Variants in FLCN observed in about 807,000 individuals in gnomAD.
The protein encoded by FLCN is BHD skin lesion fibrofolliculoma protein.
A neutral mutation model predicts 62.5 loss-of-function variants in FLCN; 22 were observed. That is an observed-to-expected ratio of 0.35 (90% CI 0.25 to 0.50). FLCN has a LOEUF of 0.50. Among genes scored for constraint, FLCN ranks in the 20% least tolerant of loss-of-function variants. FLCN has a pLI of 0.97. For synonymous variants in FLCN, 319 were observed against 310.0 expected, an observed-to-expected ratio of 1.03 and a Z score of -0.30; for missense variants, 657 against 778.0, an observed-to-expected ratio of 0.84 and a Z score of 1.85.
At chr17:17,223,389 A>G in intron 6 of FLCN, among the ~76,000 whole-genome samples, 1 of 151,894 alleles carries the variant, frequency 6.6e-6, no homozygotes, top group East Asian at 1.9e-4. Flanking sequence ...CACTGCGCCC[A>G]GCCTAGGGGA....
chr17:17,221,253 G>C, intron 8 of FLCN: 1 of 1,541,116 alleles, frequency 6.5e-7, no homozygotes, highest in Non-Finnish European at 8.7e-7. Context: ...GGGACGAGAA[G>C]CCTTTAATCA....
chr17:17,219,148 A>C lies in FLCN; in HGVS notation c.933T>G (p.Pro311=). 6.2e-7 allele frequency: 1 copy of C among 1,614,166 alleles called. No homozygotes were observed. Among genetic ancestry groups the C allele is most frequent in the African/African-American group, 1.3e-5 (1 of 75,046 alleles). Residue 311 remains proline (P), a synonymous_variant, in exon 9 of 14, where the codon CCT becomes CCG. Coordinates refer to ENST00000285071, the MANE Select transcript of FLCN (RefSeq NM_144997.7). ...NSEAEEEEKA[P]VLPESTEGRE... ...GCCCTTCTGTACTCTCTGGCAACACAGGGGCTTTCTCCTCCTCTTCAGCCT... is the reference window on the plus strand; with the variant it reads ...GCCCTTCTGTACTCTCTGGCAACACCGGGGCTTTCTCCTCCTCTTCAGCCT...
At chr17:17,218,932 G>A (rs934407778) in intron 9 of FLCN, 87 bp downstream of exon 9, 3 of 1,469,078 alleles carry the variant, frequency 2.0e-6, no homozygotes, top group East Asian at 4.7e-5. Context: ...TGAAGGTGGA[G>A]GGTCCAGAGG....
intron 13 of FLCN, among the ~76,000 whole-genome samples, 153 bp downstream of exon 13, chr17:17,214,832 C>A (rs1471652302): frequency 2.6e-5 from 4 of 152,136 alleles, no homozygotes; most frequent in African/African-American, 9.7e-5. Context: ...GCCACCTGAG[C>A]TTTGCAGTGG....
At chr17:17,221,844 G>A (rs990850376) in intron 7 of FLCN, among the ~76,000 whole-genome samples, 2 of 152,214 alleles carry the variant, frequency 1.3e-5, no homozygotes, top group African/African-American at 2.4e-5. Context: ...GGGAGGGGAT[G>A]CAAGGGGGAG....
In FLCN at chr17:17,226,336, G is replaced by C. The variant is rs745360630; in HGVS notation, c.250-14C>G. 3 of 1,614,116 alleles carry C rather than the reference G, an allele frequency of 1.9e-6. No homozygotes were observed. Among genetic ancestry groups the C allele is most frequent in the Non-Finnish European group, 2.5e-6 (3 of 1,180,032 alleles). The stretch of plus-strand genomic sequence containing the variant: ...TGACCGGCAGCCCTGTCCATGAAAA[G>C]GAAAAGTAAATCTGTTAGTTGGGAA... On this transcript the variant is annotated splice_polypyrimidine_tract_variant and intron_variant, in intron 4 of 13. Transcript: ENST00000285071.
intron 9 of FLCN, 138 bp from the exon 10 acceptor site, chr17:17,217,320 G>A (rs1046808749): frequency 5.5e-6 from 4 of 720,848 alleles, no homozygotes; most frequent in Admixed American, 2.0e-5. Context: ...ATCTTCTCAG[G>A]GAGGCGGGTG....
At chr17:17,222,393 C>A in intron 7 of FLCN, 108 bp downstream of exon 7, 1 of 1,509,734 alleles carries the variant, frequency 6.6e-7, no homozygotes, top group Non-Finnish European at 9.0e-7. Flanking sequence ...ACAGAGGCAG[C>A]AAGCAAACAC....
Position 17,216,690 on chromosome 17 carries a change from C to T in FLCN, c.1177-187G>A, listed in dbSNP as rs898345940. Among the ~76,000 whole-genome samples the T allele has an allele frequency of 1.2e-4, 19 of 152,156 alleles. No individual in the cohort carries two copies. Among genetic ancestry groups the T allele is most frequent in the African/African-American group, 4.6e-4 (19 of 41,440 alleles). ...GGGGAGGGTCCTCCACCACCAGGTC[C>T]CTAACTCTTGTCTGGACCGCCAGTC... On this transcript the variant is annotated intron_variant, in intron 10 of 13. Coordinates refer to ENST00000285071, the MANE Select transcript of FLCN (RefSeq NM_144997.7). The surrounding 1 kb of genome is among the most constrained non-coding windows in gnomAD (Gnocchi z 4.0).
At chr17:17,235,109 CAAAAAAAA>C (rs34695824) in intron 1 of FLCN, among the ~76,000 whole-genome samples, 2 of 70,622 alleles carry the variant, frequency 2.8e-5, no homozygotes, top group East Asian at 4.1e-4. Flanking sequence ...GACTCCATTT[CAAAAAAAA>C]AAAAAAAAAA....
At chr17:17,217,216 T>A in intron 9 of FLCN, 34 bp from the exon 10 acceptor site, 1 of 1,418,232 alleles carries the variant, frequency 7.1e-7, no homozygotes, top group Non-Finnish European at 1.0e-6. Context: ...TCAGCGTGAC[T>A]AGTAGAAATG....
chr17:17,226,019 G>A (rs773971470), intron 5 of FLCN, 157 bp downstream of exon 5: 3 of 1,019,654 alleles, frequency 2.9e-6, no homozygotes, highest in Non-Finnish European at 4.5e-6. Flanking sequence ...TCTGGACAAG[G>A]GAGGCGTCCT....
Position 17,217,038 on chromosome 17 carries a change from C to T in FLCN, c.1176+31G>A, listed in dbSNP as rs41340844. ...CAGGCACCAGGCCAATACTGCCCTG[C>T]GCCGCACACCTAAGGAAAAGATGTT... On this transcript the variant is annotated intron_variant, in intron 10 of 13. Coordinates refer to ENST00000285071, the MANE Select transcript of FLCN (RefSeq NM_144997.7). 28,509 of 1,502,228 alleles carry T rather than the reference C, an allele frequency of 0.019. 438 individuals are homozygous for T. Among genetic ancestry groups the T allele is most frequent in the Admixed American group, 0.056 (3,349 of 59,780 alleles). 93.1% of individuals were successfully genotyped at this position (1,502,228 alleles called of 1,614,324 possible).
intron 8 of FLCN, 24 bp from the exon 9 acceptor site, chr17:17,219,233 G>A: frequency 6.2e-7 from 1 of 1,611,538 alleles, no homozygotes; most frequent in Non-Finnish European, 8.5e-7. Flanking sequence ...GACAAGGACA[G>A]TTACAGATAC....
chr17:17,223,894 C>G (rs769067184), intron 6 of FLCN, 28 bp downstream of exon 6: 4 of 1,611,130 alleles, frequency 2.5e-6, no homozygotes, highest in Non-Finnish European at 2.5e-6. Flanking sequence ...GGCCCCCTGC[C>G]GCCCCGGCAC....
chr17:17,213,484 A>G lies in FLCN; in HGVS notation c.*171T>C. 1 of 801,644 alleles carries G rather than the reference A, an allele frequency of 1.2e-6. No homozygotes were observed. Among genetic ancestry groups the G allele is most frequent in the South Asian group, 1.5e-5 (1 of 65,422 alleles). The allele number at this position is 801,644 out of a possible 1,614,324, so 49.7% of individuals were successfully genotyped here. A position where few individuals can be genotyped will look rare whatever the true frequency, so the allele number is the denominator to read the frequency against. On this transcript the variant is annotated 3_prime_UTR_variant, in exon 14 of 14. Coordinates refer to ENST00000285071, the MANE Select transcript of FLCN (RefSeq NM_144997.7). Reference sequence around the variant, plus strand: ...CAACGGCTGGAGGGAGAGTCTGGGAAGCACACAGGCCCCAAACCTGACAGG... The same window carrying G: ...CAACGGCTGGAGGGAGAGTCTGGGAGGCACACAGGCCCCAAACCTGACAGG...
At chr17:17,226,435 A>C (rs2047252747) in intron 4 of FLCN, 113 bp from the exon 5 acceptor site, 2 of 1,279,120 alleles carry the variant, frequency 1.6e-6, no homozygotes, top group Non-Finnish European at 2.2e-6. Flanking sequence ...TAAAAAAATA[A>C]TTGGCTTCCA....
rs374969279 is a variant in FLCN at position 17,227,962 on chromosome 17, C to A, written c.176G>T (p.Arg59Leu). 6 of 1,614,174 alleles carry A rather than the reference C, an allele frequency of 3.7e-6. No homozygotes were observed. The highest frequency in any genetic ancestry group is 3.3e-5 in the South Asian group (3 of 91,088). ...EGGIQMNSRM[R>L]AHSPAEGASV... The stretch of plus-strand genomic sequence containing the variant: ...GGCCCCCTCTGCGGGGCTGTGCGCA[C>A]GCATCCGACTGTTCATCTGAATGCC... The change falls in exon 4 of 14, where the codon CGT becomes CTT. Residue 59 changes from arginine (R) to leucine (L), a missense_variant. Coordinates refer to ENST00000285071, the MANE Select transcript of FLCN (RefSeq NM_144997.7).
Position 17,216,227 on chromosome 17 carries a change from A to C in FLCN, c.1300+153T>G, listed in dbSNP as rs569365734. On this transcript the variant is annotated intron_variant, in intron 11 of 13. Transcript: ENST00000285071. The surrounding 1 kb of genome is among the most constrained non-coding windows in gnomAD (Gnocchi z 4.0). ...CTCACCCACCGCTACCTGTGTGAAGATAGAACACGGAGGCCCAGAGCCATG... is the reference window on the plus strand; with the variant it reads ...CTCACCCACCGCTACCTGTGTGAAGCTAGAACACGGAGGCCCAGAGCCATG... Among the ~76,000 whole-genome samples, 1 of 152,298 alleles carries C rather than the reference A, an allele frequency of 6.6e-6. No individual in the cohort carries two copies. The highest frequency in any genetic ancestry group is 2.4e-5 in the African/African-American group (1 of 41,564).
Sources: allele counts gnomAD v4.1 joint callset (sites outside exome capture counted in the v4.1 genomes callset), GRCh38; gene constraint gnomAD v4.1.1; non-coding constraint Gnocchi (gnomAD v3.1); transcripts MANE v1.5; gene names NCBI Gene and HGNC (gene_info 2026-07-23, HGNC 2026-07-21).